Variants in WDR43 observed in about 807,000 individuals in gnomAD.
WDR43 encodes the protein WD repeat domain 43.
Under a neutral mutation model 91.4 loss-of-function variants are expected in WDR43, and 13 were observed. The ratio of observed to expected loss-of-function variants is 0.14; its 90% CI spans 0.09 to 0.23. WDR43 has a LOEUF of 0.23. Among genes scored for constraint, WDR43 ranks in the 10% least tolerant of loss-of-function variants. The pLI, the probability that WDR43 is intolerant of heterozygous loss-of-function variation, is 1.00. For synonymous variants in WDR43, 331 were observed against 287.9 expected (o/e 1.15, Z -1.51); for missense variants, 780 against 809.4 (o/e 0.96, Z 0.44).
intron 8 of WDR43, 137 bp from the exon 9 acceptor site, chr2:28,926,331 C>T: frequency 1.6e-6 from 1 of 643,860 alleles, no homozygotes; most frequent in East Asian, 2.8e-5. Flanking sequence ...GGAAGTCTTC[C>T]ATACTTTTTA....
Position 28,906,544 on chromosome 2 carries a change from A to C in WDR43, c.448A>C (p.Ile150Leu). Residue 150 changes from isoleucine (I) to leucine (L), a missense_variant, in exon 3 of 18, where the codon ATT (isoleucine) becomes CTT (leucine). Physicochemically the swap from Ile to Leu is conservative, Grantham distance 5. Coordinates refer to ENST00000407426, the MANE Select transcript of WDR43 (RefSeq NM_015131.3). ...CLYSCSDDKH[I>L]VEWNVQTCKV... ...ATATAGTTGTTCAGATGATAAACATATTGTGGAATGGAACGTACAGACATG... is the reference window on the plus strand; with the variant it reads ...ATATAGTTGTTCAGATGATAAACATCTTGTGGAATGGAACGTACAGACATG... The C allele has an allele frequency of 1.9e-6, 3 of 1,610,890 alleles. No individual in the cohort carries two copies. The highest frequency in any genetic ancestry group is 2.5e-6 in the Non-Finnish European group (3 of 1,178,640).
chr2:28,936,525 C>A (rs1671340172), intron 12 of WDR43, among the ~76,000 whole-genome samples: 1 of 152,126 alleles, frequency 6.6e-6, no homozygotes, highest in Non-Finnish European at 1.5e-5. Context: ...AATCGAGATA[C>A]AATTCACGTA....
chr2:28,900,553 C>T (rs1670560163), intron 1 of WDR43, among the ~76,000 whole-genome samples: 1 of 152,160 alleles, frequency 6.6e-6, no homozygotes, highest in Admixed American at 6.5e-5. Context: ...CTTCCCCCAA[C>T]TCTCCTTGCC....
chr2:28,923,761 G>A (rs771838177), intron 7 of WDR43, among the ~76,000 whole-genome samples: 1 of 152,010 alleles, frequency 6.6e-6, no homozygotes, highest in Non-Finnish European at 1.5e-5. Flanking sequence ...TGTAACTCTT[G>A]AAGCTTTTAT....
At chr2:28,900,075 G>A (rs570379526) in intron 1 of WDR43, among the ~76,000 whole-genome samples, 12 of 152,214 alleles carry the variant, frequency 7.9e-5, no homozygotes, top group Admixed American at 5.9e-4. Context: ...AATTCAAATT[G>A]GCAATAAAGC....
rs1670540198 is a variant in WDR43, at chr2:28,899,418, G to C, written c.226-2569G>C. On this transcript the variant is annotated intron_variant, in intron 1 of 17. Coordinates refer to ENST00000407426, the MANE Select transcript of WDR43 (RefSeq NM_015131.3). The stretch of plus-strand genomic sequence containing the variant: ...AGGATTTTTAACCAATGAAAATTGA[G>C]GTGAGTAGGAAAGGTCCCCTTCCAA... Among the ~76,000 whole-genome samples, 3 of 152,124 alleles carry C rather than the reference G, an allele frequency of 2.0e-5. No homozygotes were observed. The South Asian group carries it at 6.2e-4, about 32-fold the overall frequency.
At chr2:28,933,558 G>C (rs987276946) in intron 11 of WDR43, among the ~76,000 whole-genome samples, 4 of 152,182 alleles carry the variant, frequency 2.6e-5, no homozygotes, top group Non-Finnish European at 5.9e-5. Context: ...AGAAACTTCT[G>C]TTCTTGGAAA....
intron 3 of WDR43, among the ~76,000 whole-genome samples, chr2:28,911,782 C>A (rs1472962136): frequency 6.6e-6 from 1 of 151,968 alleles, no homozygotes; most frequent in Non-Finnish European, 1.5e-5. Context: ...CTACACCATG[C>A]CTGGCTAATT....
intron 6 of WDR43, among the ~76,000 whole-genome samples, chr2:28,918,672 A>G (rs1306997094): frequency 2.0e-5 from 3 of 152,106 alleles, no homozygotes; most frequent in African/African-American, 7.2e-5. Flanking sequence ...CCCAGCCTAT[A>G]TATGTATGTA....
chr2:28,936,239 A>G (rs900832156), intron 12 of WDR43, among the ~76,000 whole-genome samples: 1 of 152,132 alleles, frequency 6.6e-6, no homozygotes, highest in African/African-American at 2.4e-5. Context: ...GCCCTACAAG[A>G]GTGGGTATAA....
At chr2:28,903,562 G>A (rs1338358397) in intron 2 of WDR43, among the ~76,000 whole-genome samples, 3 of 152,098 alleles carry the variant, frequency 2.0e-5, no homozygotes, top group African/African-American at 7.2e-5. Context: ...TTTATATTAA[G>A]ATTACAAAAA....
At chr2:28,935,910 C>T (rs1671329867) in intron 12 of WDR43, among the ~76,000 whole-genome samples, 1 of 152,196 alleles carries the variant, frequency 6.6e-6, no homozygotes, top group African/African-American at 2.4e-5. Context: ...ATATCATCTA[C>T]ATGGGAATAA....
intron 6 of WDR43, among the ~76,000 whole-genome samples, chr2:28,922,456 C>T (rs977548149): frequency 3.3e-5 from 5 of 152,124 alleles, no homozygotes; most frequent in East Asian, 1.9e-4. Flanking sequence ...AGAGAGGCAG[C>T]GAGGGCTTAC....
rs777963353 is a variant in WDR43, at chr2:28,929,602, A to G, written c.1329A>G (p.Gly443=). The G allele has an allele frequency of 9.9e-6, 16 of 1,612,748 alleles. No individual in the cohort carries two copies. Among genetic ancestry groups the G allele is most frequent in the African/African-American group, 1.3e-5 (1 of 74,862 alleles). The change falls in exon 11 of 18, where the codon GGA becomes GGG. Residue 443 remains glycine (G), a synonymous_variant. Coordinates refer to ENST00000407426, the MANE Select transcript of WDR43 (RefSeq NM_015131.3). ...GNEVSIEERL[G]AMDIDTHKKG... ...AGGTTAGCATTGAAGAACGTCTGGG[A>G]GCAATGGATATAGACACACACAAAA...
At chr2:28,946,528 C>T (rs191170385) in intron 17 of WDR43, 29 bp downstream of exon 17, 23 of 1,603,544 alleles carry the variant, frequency 1.4e-5, no homozygotes, top group Admixed American at 1.2e-4. Context: ...GTATATACAT[C>T]GGCCTTTATA....
intron 15 of WDR43, among the ~76,000 whole-genome samples, chr2:28,941,820 C>T (rs568903549): frequency 2.0e-4 from 30 of 152,160 alleles, no homozygotes; most frequent in Admixed American, 8.5e-4. Context: ...GTTTTGAACT[C>T]CTAGGCTCAA....
At chr2:28,916,602 C>G (rs1006402356) in intron 5 of WDR43, among the ~76,000 whole-genome samples, 4 of 151,970 alleles carry the variant, frequency 2.6e-5, no homozygotes, top group Non-Finnish European at 5.9e-5. Context: ...TACCTCTCCC[C>G]CTATAACCCC....
At chr2:28,895,435 C>G (rs1398609380) in intron 1 of WDR43, 2 of 153,148 alleles carry the variant, frequency 1.3e-5, no homozygotes, top group East Asian at 3.8e-4. Flanking sequence ...TGTTCTCGTC[C>G]CCGTCCAGGT....
Position 28,894,697 on chromosome 2 carries a change from C to G in WDR43, c.-2C>G. ...CGTGGCTGCAGCGGGGCCAGAGCAG[C>G]AATGGCGGCGGGCGGCGGCGGTAGC... On this transcript the variant is annotated 5_prime_UTR_variant, in exon 1 of 18. Transcript: ENST00000407426. 6.4e-7 allele frequency: 1 copy of G among 1,560,560 alleles called. No homozygotes were observed. The highest frequency in any genetic ancestry group is 8.7e-7 in the Non-Finnish European group (1 of 1,152,930).
Sources: allele counts gnomAD v4.1 joint callset (sites outside exome capture counted in the v4.1 genomes callset), GRCh38; gene constraint gnomAD v4.1.1; transcripts MANE v1.5; gene names NCBI Gene and HGNC (gene_info 2026-07-23, HGNC 2026-07-21).